The following MACROD2 variants were observed in gnomAD, a reference collection of about 807,000 sequenced individuals.
MACROD2 encodes ADP-ribose glycohydrolase MACROD2.
Under a neutral mutation model 70.4 loss-of-function variants are expected in MACROD2, and 36 were observed. The ratio of observed to expected loss-of-function variants is 0.51; its 90% CI spans 0.39 to 0.68. The LOEUF is 0.68. Ranked by LOEUF, MACROD2 falls within the 30% of genes least tolerant of loss-of-function variation. The pLI is 0.00. For missense variants in MACROD2, 496 were observed against 538.4 expected, an observed-to-expected ratio of 0.92 and a Z score of 0.78; for synonymous variants, 172 against 178.8, an observed-to-expected ratio of 0.96 and a Z score of 0.30.
At chr20:14,407,135 G>C (rs1234713665) in intron 3 of MACROD2, among the ~76,000 whole-genome samples, 3 of 151,170 alleles carry the variant, frequency 2.0e-5, no homozygotes, top group Non-Finnish European at 2.9e-5. Context: ...AAAAAACATG[G>C]TAAGAAAGTA....
At chr20:15,880,335 G>A (rs1307813562) in intron 9 of MACROD2, among the ~76,000 whole-genome samples, 2 of 151,886 alleles carry the variant, frequency 1.3e-5, no homozygotes, top group African/African-American at 4.8e-5. Context: ...ACGTCCACAT[G>A]TTTTTACAGA....
chr20:15,361,026 A>G (rs571966119), intron 6 of MACROD2, among the ~76,000 whole-genome samples: 2 of 151,534 alleles, frequency 1.3e-5, no homozygotes, highest in South Asian at 4.2e-4. Context: ...TCATCTTTTA[A>G]TAGGGTCTTT....
chr20:14,622,663 A>G (rs1983896061), intron 4 of MACROD2, among the ~76,000 whole-genome samples: 1 of 152,134 alleles, frequency 6.6e-6, no homozygotes, highest in Non-Finnish European at 1.5e-5. Flanking sequence ...TTTCTACCAA[A>G]CATTTCACTT....
chr20:15,956,141 T>C (rs1040769024), intron 12 of MACROD2, among the ~76,000 whole-genome samples: 1 of 152,174 alleles, frequency 6.6e-6, no homozygotes, highest in Admixed American at 6.6e-5. Context: ...GGCTAATGGA[T>C]TGGACAGTGT....
rs371561933 is a variant in MACROD2, at chr20:14,417,063, TATC to T, written c.272-76412_272-76410del. Among the ~76,000 whole-genome samples the T allele has an allele frequency of 2.9e-3, 208 of 72,854 alleles. 2 individuals are homozygous for T. The highest frequency in any genetic ancestry group is 5.9e-3 in the African/African-American group (167 of 28,334). 47.8% of individuals were successfully genotyped at this position (72,854 alleles called of 152,430 possible). On this transcript the variant is annotated intron_variant, in intron 3 of 17. Coordinates refer to ENST00000684519, the MANE Select transcript of MACROD2 (RefSeq NM_001351661.2). ...TCTATCTATTATCTATCTATCTATC[TATC>T]ATCTATCTATCTATCTATCTATCTA...
intron 5 of MACROD2, among the ~76,000 whole-genome samples, chr20:14,882,665 T>G (rs1450817944): frequency 6.6e-6 from 1 of 152,166 alleles, no homozygotes; most frequent in Non-Finnish European, 1.5e-5. Flanking sequence ...ATGAATAAGA[T>G]CATTCTAAAG....
intron 3 of MACROD2, among the ~76,000 whole-genome samples, chr20:14,101,095 G>A (rs1038266984): frequency 6.6e-6 from 1 of 151,256 alleles, no homozygotes; most frequent in African/African-American, 2.4e-5. Flanking sequence ...CCTTACTGAA[G>A]TTAATTATAA....
chr20:14,528,606 G>A (rs1017265786), intron 4 of MACROD2, among the ~76,000 whole-genome samples: 1 of 151,940 alleles, frequency 6.6e-6, no homozygotes, highest in African/African-American at 2.4e-5. Flanking sequence ...TTAGCCCTAT[G>A]TCTTTGTTAG....
Position 15,234,012 on chromosome 20 carries a change from C to CTTTTTTTTTT in MACROD2, c.540+3979_540+3988dup, listed in dbSNP as rs1177498607. Reference sequence around the variant, plus strand: ...ATATATATATATATATATATATATTCTTTTTTTTTTTTTTTTTTTTTTTTT... The same window carrying CTTTTTTTTTT: ...ATATATATATATATATATATATATTCTTTTTTTTTTTTTTTTTTTTTTTTTTTTTTTTTTT... On this transcript the variant is annotated intron_variant, in intron 6 of 17. Coordinates refer to ENST00000684519, the MANE Select transcript of MACROD2 (RefSeq NM_001351661.2). Among the ~76,000 whole-genome samples the CTTTTTTTTTT allele has an allele frequency of 2.1e-4, 6 of 29,184 alleles. 1 individual carries two copies. Among genetic ancestry groups the CTTTTTTTTTT allele is most frequent in the East Asian group, 1.4e-3 (1 of 692 alleles). 19.1% of individuals were successfully genotyped at this position (29,184 alleles called of 152,430 possible).
chr20:15,455,702 T>C (rs948622837), intron 7 of MACROD2, among the ~76,000 whole-genome samples: 1 of 152,156 alleles, frequency 6.6e-6, no homozygotes, highest in African/African-American at 2.4e-5. Context: ...TTTGATGATT[T>C]TGAAGAAGAA....
intron 8 of MACROD2, among the ~76,000 whole-genome samples, chr20:15,654,334 G>A (rs1265274027): frequency 1.3e-5 from 2 of 152,128 alleles, no homozygotes. Context: ...TCCCCCTAGA[G>A]TTTAAAATGT....
At chr20:14,280,820 A>C (rs1183121861) in intron 3 of MACROD2, among the ~76,000 whole-genome samples, 2 of 152,224 alleles carry the variant, frequency 1.3e-5, no homozygotes, top group Non-Finnish European at 2.9e-5. Context: ...CCTTAAATAT[A>C]ACCCAGGAGA....
At chr20:14,597,076 ATTAACTTTTATT>A (rs1286362171) in intron 4 of MACROD2, among the ~76,000 whole-genome samples, 1 of 152,138 alleles carries the variant, frequency 6.6e-6, no homozygotes, top group Non-Finnish European at 1.5e-5. Flanking sequence ...TTTCTCCCTT[ATTAACTTTTATT>A]GTAGATAAAA....
rs564992512 is a variant in MACROD2, at chr20:14,842,557, T to C, written c.418+157598T>C. Among the ~76,000 whole-genome samples, 11 of 152,260 alleles carry C rather than the reference T, an allele frequency of 7.2e-5. No homozygotes were observed. The East Asian group carries it at 2.1e-3, about 29-fold the overall frequency. On this transcript the variant is annotated intron_variant, in intron 5 of 17. Transcript: ENST00000684519. ...AAGTGTATGCTATTAGGCTTTGTAA[T>C]GTCTTATTATTAAGGCAGATATAAT...
chr20:15,590,959 AAAAGAAAG>A (rs146525368), intron 8 of MACROD2, among the ~76,000 whole-genome samples: 6 of 149,388 alleles, frequency 4.0e-5, no homozygotes, highest in African/African-American at 1.2e-4. Flanking sequence ...GAAAGAAAGA[AAAAGAAAG>A]AAAGAAAGAA....
At chr20:16,001,632 G>C (rs1407715874) in intron 15 of MACROD2, among the ~76,000 whole-genome samples, 4 of 151,986 alleles carry the variant, frequency 2.6e-5, no homozygotes, top group African/African-American at 9.7e-5. Flanking sequence ...GCAGAGAAAT[G>C]GGGAAAAAGG....
chr20:15,576,324 A>C (rs1464535274), intron 8 of MACROD2, among the ~76,000 whole-genome samples: 1 of 152,068 alleles, frequency 6.6e-6, no homozygotes, highest in African/African-American at 2.4e-5. Context: ...GGAGCTTTAT[A>C]TTTTGAGTTT....
intron 8 of MACROD2, among the ~76,000 whole-genome samples, chr20:15,624,689 G>A: frequency 1.3e-5 from 2 of 152,122 alleles, no homozygotes; most frequent in African/African-American, 2.4e-5. Flanking sequence ...TGACAGAGTT[G>A]AGTTGTTACG....
intron 15 of MACROD2, among the ~76,000 whole-genome samples, chr20:16,034,034 T>C (rs1331221815): frequency 6.6e-6 from 1 of 152,042 alleles, no homozygotes; most frequent in Non-Finnish European, 1.5e-5. Context: ...ACTGGATGAA[T>C]TTTAAGAGCA....
Sources: allele counts gnomAD v4.1 joint callset (sites outside exome capture counted in the v4.1 genomes callset), GRCh38; gene constraint gnomAD v4.1.1; transcripts MANE v1.5; gene names NCBI Gene and HGNC (gene_info 2026-07-23, HGNC 2026-07-21).